Variants in CDH20 observed in about 807,000 individuals in gnomAD.
CDH20 encodes the protein cadherin-20.
CDH20 carries 29 observed loss-of-function variants against 74.2 expected under a neutral mutation model. That is an observed-to-expected ratio of 0.39 (90% CI 0.29 to 0.53). CDH20 has a LOEUF of 0.53. Ranked by LOEUF, CDH20 falls within the 20% of genes least tolerant of loss-of-function variation. CDH20 has a pLI of 0.69. For synonymous variants in CDH20, 469 were observed against 405.4 expected (o/e 1.16, Z -1.88); for missense variants, 988 against 1,048.3 (o/e 0.94, Z 0.79).
chr18:61,359,957 T>C (rs1260267211), intron 1 of CDH20, among the ~76,000 whole-genome samples: 1 of 152,214 alleles, frequency 6.6e-6, no homozygotes, highest in Non-Finnish European at 1.5e-5. Flanking sequence ...TCCAGTCAAT[T>C]ACAGAAAATT....
chr18:61,480,696 G>GCC (rs761416429), intron 1 of CDH20, among the ~76,000 whole-genome samples: 184 of 152,270 alleles, frequency 1.2e-3, no homozygotes, highest in Non-Finnish European at 1.4e-3. Flanking sequence ...TCTTGGATCC[G>GCC]AAGATTTATT....
intron 1 of CDH20, among the ~76,000 whole-genome samples, chr18:61,471,525 C>G (rs1256946758): frequency 6.6e-6 from 1 of 152,142 alleles, no homozygotes; most frequent in Non-Finnish European, 1.5e-5. Flanking sequence ...ATTACAGATT[C>G]AATAGCAACA....
At chr18:61,451,326 A>T (rs1568144473) in intron 1 of CDH20, among the ~76,000 whole-genome samples, 1 of 152,052 alleles carries the variant, frequency 6.6e-6, no homozygotes, top group Non-Finnish European at 1.5e-5. Flanking sequence ...ATTAAATTAT[A>T]TAAAAAAACA....
At position 61,490,531 on chromosome 18, in the gene CDH20, T is replaced by G. The variant is rs680530; in HGVS notation, c.-23T>G. 515 of 1,607,600 alleles carry G rather than the reference T, an allele frequency of 3.2e-4. 1 individual carries two copies. Among genetic ancestry groups the G allele is most frequent in the Non-Finnish European group, 4.2e-4 (493 of 1,174,834 alleles). On this transcript the variant is annotated 5_prime_UTR_variant, in exon 2 of 12. Transcript: ENST00000262717. ...TCCAGTTGCTTATCATTCTCCTTCA[T>G]TTTCTGAAAACCTGGCAATCCCATG...
In CDH20 at chr18:61,385,910, AC is replaced by A. The variant is rs557586621; in HGVS notation, c.-153+52084del. On this transcript the variant is annotated intron_variant, in intron 1 of 11. Coordinates refer to ENST00000262717, the MANE Select transcript of CDH20 (RefSeq NM_031891.4). ...GCACCACTGCACTCCAGCCTGGGCA[AC>A]AAAGTGAGACTTTGTCTCAAAAAAA... 5.3e-3 allele frequency among the ~76,000 whole-genome samples: 801 copies of A among 151,772 alleles called. 11 individuals carry two copies. Among genetic ancestry groups the A allele is most frequent in the African/African-American group, 0.018 (753 of 41,320 alleles).
intron 1 of CDH20, among the ~76,000 whole-genome samples, chr18:61,452,172 CTT>C (rs945385067): frequency 6.6e-6 from 1 of 152,100 alleles, no homozygotes; most frequent in Non-Finnish European, 1.5e-5. Context: ...TTGTTAAACT[CTT>C]ATCATTGTCT....
At chr18:61,493,606 C>T (rs141269633) in intron 2 of CDH20, among the ~76,000 whole-genome samples, 18 of 152,326 alleles carry the variant, frequency 1.2e-4, no homozygotes, top group East Asian at 3.9e-4. Flanking sequence ...TGTGTGCCCA[C>T]GCTGCTGCCC....
chr18:61,440,258 A>G (rs1908984473), intron 1 of CDH20, among the ~76,000 whole-genome samples: 1 of 152,118 alleles, frequency 6.6e-6, no homozygotes, highest in African/African-American at 2.4e-5. Context: ...AAGACTTTAT[A>G]TTTGCTTGCA....
In CDH20 at chr18:61,521,751, A is replaced by T. The variant is rs1229934856; in HGVS notation, c.1018-6216A>T. Among the ~76,000 whole-genome samples the T allele has an allele frequency of 4.2e-5, 6 of 144,274 alleles. 1 individual carries two copies. The highest frequency in any genetic ancestry group is 1.1e-4 in the African/African-American group (4 of 36,052). 94.6% of individuals were successfully genotyped at this position (144,274 alleles called of 152,430 possible). ...CGATCAAGTTGGCTTCATCTCTGGG[A>T]TGCAAGGCTGGTTCAACATATGCAA... On this transcript the variant is annotated intron_variant, in intron 6 of 11. Coordinates refer to ENST00000262717, the MANE Select transcript of CDH20 (RefSeq NM_031891.4).
At chr18:61,440,049 T>C (rs149936249) in intron 1 of CDH20, among the ~76,000 whole-genome samples, 33 of 152,304 alleles carry the variant, frequency 2.2e-4, no homozygotes, top group African/African-American at 7.5e-4. Flanking sequence ...CATTTTGCCT[T>C]CTGAAGAGTT....
chr18:61,430,580 C>T (rs1913221861), intron 1 of CDH20, among the ~76,000 whole-genome samples: 1 of 152,206 alleles, frequency 6.6e-6, no homozygotes, highest in Admixed American at 6.5e-5. Context: ...AGTATCTACA[C>T]ACATTATTTG....
chr18:61,427,005 C>T (rs938813314), intron 1 of CDH20, among the ~76,000 whole-genome samples: 1 of 152,020 alleles, frequency 6.6e-6, no homozygotes, highest in African/African-American at 2.4e-5. Context: ...GAAGGGGATG[C>T]AGAGCAAATC....
chr18:61,511,389 T>G (rs777721859), intron 6 of CDH20, among the ~76,000 whole-genome samples: 1 of 152,010 alleles, frequency 6.6e-6, no homozygotes, highest in Non-Finnish European at 1.5e-5. Flanking sequence ...ACCCTATGTT[T>G]TCCAGGCTGG....
Position 61,555,259 on chromosome 18 carries a change from A to T in CDH20, c.*564A>T. 1 of 969,996 alleles carries T rather than the reference A, an allele frequency of 1.0e-6. No homozygotes were observed. 60.1% of individuals were successfully genotyped at this position (969,996 alleles called of 1,614,324 possible). ...CCCTTTTGAGACAAGGTTAAGACTG[A>T]ATCAGCCTTGCATGGGGGTGGATGG... is the stretch of plus-strand genomic sequence containing the variant. On this transcript the variant is annotated 3_prime_UTR_variant, in exon 12 of 12. Coordinates refer to ENST00000262717, the MANE Select transcript of CDH20 (RefSeq NM_031891.4).
intron 1 of CDH20, among the ~76,000 whole-genome samples, chr18:61,429,130 C>A (rs1020285987): frequency 6.6e-6 from 1 of 152,082 alleles, no homozygotes; most frequent in East Asian, 1.9e-4. Context: ...TGCAAAAAAT[C>A]ACAAGTTTTT....
intron 1 of CDH20, among the ~76,000 whole-genome samples, chr18:61,372,322 T>C (rs559075600): frequency 4.6e-5 from 7 of 152,226 alleles, no homozygotes; most frequent in African/African-American, 1.7e-4. Flanking sequence ...AAATATCTTC[T>C]GTGTCTATTG....
Position 61,554,458 on chromosome 18 carries a change from C to T in CDH20, c.2169C>T (p.His723=). The change falls in exon 12 of 12, where the codon CAC becomes CAT. Residue 723 remains histidine (H), a synonymous_variant. Coordinates refer to ENST00000262717, the MANE Select transcript of CDH20 (RefSeq NM_031891.4). The stretch of plus-strand genomic sequence containing the variant: ...CGTGCGCAGTGAACAGCACTGTCCA[C>T]AGCTACGTGCTGGCCAAGCTCTACG... ...PQTCAVNSTV[H]SYVLAKLYEA... is the part of the protein sequence containing the mutation. The T allele has an allele frequency of 6.2e-7, 1 of 1,613,352 alleles. No individual in the cohort carries two copies. The highest frequency in any genetic ancestry group is 8.5e-7 in the Non-Finnish European group (1 of 1,179,916).
At chr18:61,446,322 G>T (rs1909202972) in intron 1 of CDH20, among the ~76,000 whole-genome samples, 2 of 151,958 alleles carry the variant, frequency 1.3e-5, no homozygotes, top group Admixed American at 1.3e-4. Flanking sequence ...ATCACTGAAG[G>T]GACCATCAAA....
At position 61,497,121 on chromosome 18, in the gene CDH20, A is replaced by C. The variant is rs57366333; in HGVS notation, c.247-2065A>C. Among the ~76,000 whole-genome samples the C allele has an allele frequency of 5.4e-3, 815 of 151,644 alleles. 7 individuals are homozygous for C. The highest frequency in any genetic ancestry group is 0.019 in the African/African-American group (780 of 41,422). On this transcript the variant is annotated intron_variant, in intron 2 of 11. Transcript: ENST00000262717. ...AAAAAAAGAAAGAAAGAAAGAAAGAAAGAAAAAAGAAAATACTGTATACGA... is the reference window on the plus strand; with the variant it reads ...AAAAAAAGAAAGAAAGAAAGAAAGACAGAAAAAAGAAAATACTGTATACGA...
Sources: allele counts gnomAD v4.1 joint callset (sites outside exome capture counted in the v4.1 genomes callset), GRCh38; gene constraint gnomAD v4.1.1; transcripts MANE v1.5; gene names NCBI Gene and HGNC (gene_info 2026-07-23, HGNC 2026-07-21).